ISM2: variants seen among roughly 807,000 people sequenced by gnomAD.
ISM2 encodes the protein isthmin-2.
In ISM2, 50 loss-of-function variants were observed where a neutral mutation model predicts 58.0. That is an observed-to-expected ratio of 0.86 (90% CI 0.69 to 1.09). The LOEUF (loss-of-function observed/expected upper bound fraction) is 1.09. Among genes scored for constraint, ISM2 ranks in the 50% least tolerant of loss-of-function variants. The pLI, the probability that ISM2 is intolerant of heterozygous loss-of-function variation, is 0.00. For synonymous variants in ISM2, 303 were observed against 312.4 expected (o/e 0.97, Z 0.32); for missense variants, 723 against 745.0 (o/e 0.97, Z 0.34).
At chr14:77,487,317 G>A (rs1054731684) in intron 1 of ISM2, among the ~76,000 whole-genome samples, 2 of 152,018 alleles carry the variant, frequency 1.3e-5, no homozygotes, top group Admixed American at 6.6e-5. Flanking sequence ...GCTGTAGATT[G>A]GGCTGCCTGG....
At chr14:77,489,769 A>C (rs1256494223) in intron 1 of ISM2, among the ~76,000 whole-genome samples, 1 of 152,218 alleles carries the variant, frequency 6.6e-6, no homozygotes, top group East Asian at 1.9e-4. Context: ...GGCCGGCTTC[A>C]TGGTGTGCAA....
rs367802010 is a variant in ISM2, at chr14:77,496,997, C to T, written c.141+1656G>A. Among the ~76,000 whole-genome samples the T allele has an allele frequency of 6.6e-5, 10 of 151,808 alleles. No homozygotes were observed. The East Asian group carries it at 1.4e-3, about 21-fold the overall frequency. On this transcript the variant is annotated intron_variant, in intron 1 of 6. Transcript: ENST00000342219. ...TTTCAGCAGTCTGGACAAGTTCTGG[C>T]TCTCACTCTCTCACTCACTCACTCA...
chr14:77,476,073 T>A lies in ISM2; in HGVS notation c.1238A>T (p.Asp413Val), dbSNP rs1417509062. 6.5e-7 allele frequency: 1 copy of A among 1,528,608 alleles called. No homozygotes were observed. The highest frequency in any genetic ancestry group is 8.8e-7 in the Non-Finnish European group (1 of 1,141,318). 94.7% of individuals were successfully genotyped at this position (1,528,608 alleles called of 1,614,324 possible). Residue 413 changes from aspartate (D) to valine (V), a missense_variant, in exon 7 of 7, where the codon GAC becomes GTC. Physicochemically the swap from Asp to Val is radical, Grantham distance 152. Coordinates refer to ENST00000342219, the MANE Select transcript of ISM2 (RefSeq NM_199296.3). ...CTGGCTCAGATACTTGATTAGGAAG[T>A]CGCTCTTGCAGTTCAGCCACTTCTC... is the stretch of plus-strand genomic sequence containing the variant. ...SCEKWLNCKS[D>V]FLIKYLSQML...
At chr14:77,485,007 C>T (rs547380035) in intron 1 of ISM2, 88 bp from the exon 2 acceptor site, 160 of 1,410,634 alleles carry the variant, frequency 1.1e-4, no homozygotes, top group Non-Finnish European at 1.5e-4. Flanking sequence ...ATCCAGGAGC[C>T]CTGGGGTCTG....
intron 4 of ISM2, among the ~76,000 whole-genome samples, chr14:77,479,935 C>T (rs1431379307): frequency 3.9e-5 from 6 of 152,166 alleles, no homozygotes; most frequent in African/African-American, 1.4e-4. Context: ...GCTGGGATTA[C>T]AGGTGTGAGC....
chr14:77,498,667 T>A lies in ISM2; in HGVS notation c.127A>T (p.Thr43Ser). 1 of 1,472,698 alleles carries A rather than the reference T, an allele frequency of 6.8e-7. No individual in the cohort carries two copies. The highest frequency in any genetic ancestry group is 8.9e-7 in the Non-Finnish European group (1 of 1,119,166). The allele number at this position is 1,472,698 out of a possible 1,614,324, so 91.2% of individuals were successfully genotyped here. A position where few individuals can be genotyped will look rare whatever the true frequency, so the allele number is the denominator to read the frequency against. ...RLRGPRPGSLTRLAEVSASPD... is the reference protein window; with the variant it reads ...RLRGPRPGSLSRLAEVSASPD... ...CCGCCACTCACCTCTGCGAGCCTCG[T>A]GAGGCTCCCAGGCCGTGGTCCGCGG... The change falls in exon 1 of 7, where the codon ACG (threonine) becomes TCG (serine). Residue 43 changes from threonine to serine, a missense_variant. Transcript: ENST00000342219.
intron 1 of ISM2, among the ~76,000 whole-genome samples, chr14:77,493,632 T>C (rs1311518250): frequency 6.6e-6 from 1 of 151,448 alleles, no homozygotes; most frequent in African/African-American, 2.4e-5. Context: ...TGGCTAATTT[T>C]TGTATTTTTA....
intron 1 of ISM2, among the ~76,000 whole-genome samples, chr14:77,493,641 T>C (rs2079220574): frequency 6.6e-6 from 1 of 151,566 alleles, no homozygotes; most frequent in Admixed American, 6.6e-5. Context: ...TTTGTATTTT[T>C]AGTGGAGATG....
chr14:77,478,862 T>TC, intron 4 of ISM2, 147 bp from the exon 5 acceptor site: 2 of 745,138 alleles, frequency 2.7e-6, no homozygotes, highest in Admixed American at 2.6e-5. Flanking sequence ...GGATTTCAGC[T>TC]TCCACCTGCT....
In ISM2 at chr14:77,482,595, G is replaced by C. The variant is rs1001798010; in HGVS notation, c.700C>G (p.Pro234Ala). ...AGCCAGCTAAGGGTATCCTGGGGCGGGGGATTGCTGGGCTCAGCCAACAGG... is the reference window on the plus strand; with the variant it reads ...AGCCAGCTAAGGGTATCCTGGGGCGCGGGATTGCTGGGCTCAGCCAACAGG... ...IDLLAEPSNP[P>A]PQDTLSWLPA... Residue 234 changes from proline (P) to alanine (A), a missense_variant, in exon 4 of 7, where the codon CCG becomes GCG. Coordinates refer to ENST00000342219, the MANE Select transcript of ISM2 (RefSeq NM_199296.3). 6.2e-7 allele frequency: 1 copy of C among 1,610,096 alleles called. No homozygotes were observed. The highest frequency in any genetic ancestry group is 1.3e-5 in the African/African-American group (1 of 74,930).
At chr14:77,492,182 C>T (rs1316609229) in intron 1 of ISM2, among the ~76,000 whole-genome samples, 2 of 152,062 alleles carry the variant, frequency 1.3e-5, no homozygotes, top group African/African-American at 4.8e-5. Context: ...AATTCTAACC[C>T]CCTCAACCCC....
chr14:77,488,057 A>G (rs190817594), intron 1 of ISM2, among the ~76,000 whole-genome samples: 177 of 152,316 alleles, frequency 1.2e-3, no homozygotes, highest in African/African-American at 4.1e-3. Flanking sequence ...CTCTGGACAC[A>G]TCTTACACAC....
intron 1 of ISM2, among the ~76,000 whole-genome samples, chr14:77,497,407 G>A (rs2079250324): frequency 6.7e-6 from 1 of 149,042 alleles, no homozygotes; most frequent in Non-Finnish European, 1.5e-5. Context: ...AAGAATGGCT[G>A]GGCACCATGG....
chr14:77,498,605 AG>A (rs1566761002), intron 1 of ISM2, 47 bp downstream of exon 1: 1 of 1,402,106 alleles, frequency 7.1e-7, no homozygotes, highest in African/African-American at 1.5e-5. Flanking sequence ...CGGGCTGGGG[AG>A]GTGGGACCGA....
chr14:77,482,772 T>G, intron 3 of ISM2, 105 bp from the exon 4 acceptor site: 1 of 691,516 alleles, frequency 1.4e-6, no homozygotes. Flanking sequence ...GCCCAACCTT[T>G]CCTTCAAACC....
chr14:77,486,666 G>A (rs534349227), intron 1 of ISM2, among the ~76,000 whole-genome samples: 1 of 152,298 alleles, frequency 6.6e-6, no homozygotes, highest in African/African-American at 2.4e-5. Flanking sequence ...AGGCAGTCTC[G>A]GAGCAGCAGG....
intron 1 of ISM2, among the ~76,000 whole-genome samples, chr14:77,485,678 T>G (rs1381525156): frequency 6.6e-6 from 1 of 152,258 alleles, no homozygotes; most frequent in Non-Finnish European, 1.5e-5. Context: ...CTCCAGGCTA[T>G]AGCCACTGCC....
In ISM2 at chr14:77,493,805, T is replaced by G. The variant is rs377237419; in HGVS notation, c.141+4848A>C. 1.7e-4 allele frequency among the ~76,000 whole-genome samples: 25 copies of G among 151,436 alleles called. 1 individual carries two copies. Among genetic ancestry groups the G allele is most frequent in the East Asian group, 1.4e-3 (7 of 5,104 alleles). ...CTTTTTTTCTGAGATGGAGTCTCGC[T>G]CTGTCGCTCAGGCTGGAATGCAGTG... is the stretch of plus-strand genomic sequence containing the variant. On this transcript the variant is annotated intron_variant, in intron 1 of 6. Coordinates refer to ENST00000342219, the MANE Select transcript of ISM2 (RefSeq NM_199296.3).
Position 77,484,659 on chromosome 14 carries a change from C to T in ISM2, c.384+18G>A, listed in dbSNP as rs1401070234. 1 of 1,601,432 alleles carries T rather than the reference C, an allele frequency of 6.2e-7. No individual in the cohort carries two copies. Among genetic ancestry groups the T allele is most frequent in the Non-Finnish European group, 8.5e-7 (1 of 1,176,168 alleles). On this transcript the variant is annotated intron_variant, in intron 2 of 6. Coordinates refer to ENST00000342219, the MANE Select transcript of ISM2 (RefSeq NM_199296.3). Reference sequence around the variant, plus strand: ...GCCAGGCAGAGCCAGGAGCTGCTGGCCCTTCTGTAGCTCTCACCTGGGTAT... The same window carrying T: ...GCCAGGCAGAGCCAGGAGCTGCTGGTCCTTCTGTAGCTCTCACCTGGGTAT...
Sources: gnomAD v4.1 joint callset for allele counts (sites outside exome capture counted in the v4.1 genomes callset) on GRCh38, gnomAD v4.1.1 for gene constraint, MANE v1.5 for transcripts, NCBI Gene and HGNC (gene_info 2026-07-23, HGNC 2026-07-21) for gene names.